The following CDH4 variants were observed in gnomAD, a reference collection of about 807,000 sequenced individuals.
CDH4 encodes the protein cadherin 4.
Under a neutral mutation model 86.0 loss-of-function variants are expected in CDH4, and 33 were observed. The observed-to-expected ratio is 0.38, with a 90% CI of 0.29 to 0.51. The LOEUF (loss-of-function observed/expected upper bound fraction) is 0.51, where lower values mean the gene tolerates loss of function less well. Among genes scored for constraint, CDH4 ranks in the 20% least tolerant of loss-of-function variants. The pLI, the probability that CDH4 is intolerant of heterozygous loss-of-function variation, is 0.86. For synonymous variants in CDH4, 555 were observed against 549.4 expected (o/e 1.01, Z -0.14); for missense variants, 1,114 against 1,307.4 (o/e 0.85, Z 2.28).
intron 2 of CDH4, among the ~76,000 whole-genome samples, chr20:61,363,795 T>C (rs548910959): frequency 2.8e-4 from 43 of 152,270 alleles, no homozygotes; most frequent in African/African-American, 8.4e-4. Context: ...GGCAAGTGAA[T>C]TGGAAGAAGT....
chr20:61,308,121 C>T (rs574974405), intron 2 of CDH4, among the ~76,000 whole-genome samples: 57 of 152,312 alleles, frequency 3.7e-4, no homozygotes, highest in Non-Finnish European at 6.5e-4. Flanking sequence ...CAGGGCTGAA[C>T]CTCACTGCCC....
At chr20:61,345,566 C>T (rs1223752625) in intron 2 of CDH4, among the ~76,000 whole-genome samples, 2 of 152,180 alleles carry the variant, frequency 1.3e-5, no homozygotes, top group Non-Finnish European at 1.5e-5. Flanking sequence ...ACGTAAGGAG[C>T]CCTACCTGGG....
chr20:61,317,384 C>A (rs1010088806), intron 2 of CDH4, among the ~76,000 whole-genome samples: 3 of 152,218 alleles, frequency 2.0e-5, no homozygotes, highest in Non-Finnish European at 4.4e-5. Context: ...GCCTTTGCCA[C>A]TGAGTCTCCA....
intron 2 of CDH4, among the ~76,000 whole-genome samples, chr20:61,273,387 T>A (rs1316943979): frequency 2.8e-5 from 3 of 107,080 alleles, no homozygotes; most frequent in Non-Finnish European, 1.8e-5. Context: ...GGGAGTACCG[T>A]GTGCAGTTTG....
intron 2 of CDH4, among the ~76,000 whole-genome samples, chr20:61,374,800 A>G (rs2084857725): frequency 6.6e-6 from 1 of 152,160 alleles, no homozygotes; most frequent in Admixed American, 6.5e-5. Flanking sequence ...CTCTGGCATT[A>G]ACATCAACAC....
At position 61,501,809 on chromosome 20, in the gene CDH4, C is replaced by T. The variant is rs1475710988; in HGVS notation, c.170-241754C>T. Among the ~76,000 whole-genome samples the T allele has an allele frequency of 6.6e-6, 1 of 152,158 alleles. No individual in the cohort carries two copies. Among genetic ancestry groups the T allele is most frequent in the Admixed American group, 6.5e-5 (1 of 15,276 alleles). On this transcript the variant is annotated intron_variant, in intron 2 of 15. Transcript: ENST00000614565. This position sits in a 1 kb window ranked among gnomAD's most constrained non-coding sequence, Gnocchi z 4.2. ...ACGCGACTAATGAAACTTTTCTGTT[C>T]TCTCCTTTCTAGGTAAGTGATTCCG...
At chr20:61,376,538 G>A (rs73917734) in intron 2 of CDH4, among the ~76,000 whole-genome samples, 7 of 151,962 alleles carry the variant, frequency 4.6e-5, no homozygotes, top group South Asian at 2.1e-4. Flanking sequence ...AGGTGGAGGC[G>A]TGGGCTTGGG....
At chr20:61,470,191 A>G (rs2085494636) in intron 2 of CDH4, among the ~76,000 whole-genome samples, 1 of 152,156 alleles carries the variant, frequency 6.6e-6, no homozygotes, top group Non-Finnish European at 1.5e-5. Context: ...TAATCCAGAG[A>G]CATGGAACAT....
rs147781043 is a variant in CDH4, at chr20:61,712,832, C to T, written c.170-30731C>T. Among the ~76,000 whole-genome samples, 15 of 152,294 alleles carry T rather than the reference C, an allele frequency of 9.8e-5. No individual in the cohort carries two copies. In the East Asian group the frequency reaches 2.5e-3, roughly 26 times the overall value. ...GCTGGCCCCATGCCCTGGGCCCATG[C>T]GGTCCCCTGGGCAGCCCAGGAGAGT... On this transcript the variant is annotated intron_variant, in intron 2 of 15. Transcript: ENST00000614565.
In CDH4 at chr20:61,937,189, TGAATTTCCTA is replaced by T. The variant is rs1363592415; in HGVS notation, c.*250_*259del. 7 of 316,050 alleles carry T rather than the reference TGAATTTCCTA, an allele frequency of 2.2e-5. No individual in the cohort carries two copies. The highest frequency in any genetic ancestry group is 1.6e-4 in the African/African-American group (7 of 43,240). 19.6% of individuals were successfully genotyped at this position (316,050 alleles called of 1,614,324 possible). A position where few individuals can be genotyped will look rare whatever the true frequency, so the allele number is the denominator to read the frequency against. ...CAGCAAGAGGCACTCTGTCTTCACTTGAATTTCCTAGAACAGAAGCACTGTTTTTAAAAAA... is the reference window on the plus strand; with the variant it reads ...CAGCAAGAGGCACTCTGTCTTCACTTGAACAGAAGCACTGTTTTTAAAAAA... On this transcript the variant is annotated 3_prime_UTR_variant, in exon 16 of 16. Coordinates refer to ENST00000614565, the MANE Select transcript of CDH4 (RefSeq NM_001794.5).
chr20:61,889,694 TGATG>T (rs2122850096), intron 7 of CDH4, among the ~76,000 whole-genome samples: 1 of 144,996 alleles, frequency 6.9e-6, no homozygotes, highest in Middle Eastern at 4.0e-3. Flanking sequence ...GATAGTTGGA[TGATG>T]GATGGATAGA....
intron 2 of CDH4, among the ~76,000 whole-genome samples, chr20:61,461,973 T>C (rs1568853679): frequency 6.6e-6 from 1 of 152,192 alleles, no homozygotes; most frequent in Non-Finnish European, 1.5e-5. Flanking sequence ...GGAGTCCCAC[T>C]TTTAGTCCTC....
intron 2 of CDH4, chr20:61,437,129 T>C (rs2085287715): frequency 6.6e-6 from 1 of 152,212 alleles, no homozygotes; most frequent in Non-Finnish European, 1.5e-5. Context: ...GAAAGGAAAA[T>C]GCGTCTGTCT....
At chr20:61,697,881 G>A (rs982932421) in intron 2 of CDH4, among the ~76,000 whole-genome samples, 1 of 152,180 alleles carries the variant, frequency 6.6e-6, no homozygotes, top group Non-Finnish European at 1.5e-5. Flanking sequence ...TCCCACACCC[G>A]GGTCTCTCAA....
intron 2 of CDH4, among the ~76,000 whole-genome samples, chr20:61,356,901 C>T (rs182625787): frequency 6.6e-6 from 1 of 152,130 alleles, no homozygotes; most frequent in Non-Finnish European, 1.5e-5. Flanking sequence ...ATGTTATTCA[C>T]GTTTAGCCTC....
intron 2 of CDH4, among the ~76,000 whole-genome samples, chr20:61,583,176 GGA>G (rs2086443271): frequency 8.0e-6 from 1 of 125,130 alleles, no homozygotes; most frequent in Non-Finnish European, 1.7e-5. Context: ...TCTGCGGGGG[GGA>G]CAGAGGGCTC....
intron 2 of CDH4, among the ~76,000 whole-genome samples, chr20:61,323,961 A>T (rs2084523531): frequency 6.6e-6 from 1 of 152,228 alleles, no homozygotes; most frequent in African/African-American, 2.4e-5. Flanking sequence ...ACGGGAAAAT[A>T]TTAGCTCTGG....
At position 61,544,308 on chromosome 20, in the gene CDH4, G is replaced by A. The variant is rs1446376858; in HGVS notation, c.170-199255G>A. ...GCTGGGTACGGCTAAACACCCCACA[G>A]CCCAGGACAGCCTCGCAGCAGAAGC... On this transcript the variant is annotated intron_variant, in intron 2 of 15. Coordinates refer to ENST00000614565, the MANE Select transcript of CDH4 (RefSeq NM_001794.5). This position sits in a 1 kb window ranked among gnomAD's most constrained non-coding sequence, Gnocchi z 6.5. Among the ~76,000 whole-genome samples, 1 of 151,954 alleles carries A rather than the reference G, an allele frequency of 6.6e-6. No individual in the cohort carries two copies. The highest frequency in any genetic ancestry group is 1.5e-5 in the Non-Finnish European group (1 of 68,006).
chr20:61,722,406 A>G lies in CDH4; in HGVS notation c.170-21157A>G, dbSNP rs1002338980. ...TGGCACAGAGCCCACTCATCCTTCC[A>G]GAAGTGAGGAAGGATTTCACCTCCT... On this transcript the variant is annotated intron_variant, in intron 2 of 15. Transcript: ENST00000614565. 5.9e-5 allele frequency among the ~76,000 whole-genome samples: 9 copies of G among 152,308 alleles called. No individual in the cohort carries two copies. In the East Asian group the frequency reaches 1.7e-3, roughly 29 times the overall value.
Sources: allele counts gnomAD v4.1 joint callset (sites outside exome capture counted in the v4.1 genomes callset), GRCh38; gene constraint gnomAD v4.1.1; non-coding constraint Gnocchi (gnomAD v3.1); transcripts MANE v1.5; gene names NCBI Gene and HGNC (gene_info 2026-07-23, HGNC 2026-07-21).